Variants in ERC2 observed in about 807,000 individuals in gnomAD.
The protein encoded by ERC2 is ERC protein 2.
In ERC2, 42 loss-of-function variants were observed where a neutral mutation model predicts 114.8. That is an observed-to-expected ratio of 0.37 (90% CI 0.29 to 0.47). ERC2 has a LOEUF of 0.47. Among genes scored for constraint, ERC2 ranks in the 20% least tolerant of loss-of-function variants. The pLI is 0.99. For synonymous variants in ERC2, 454 were observed against 425.5 expected (o/e 1.07, Z -0.82); for missense variants, 939 against 1,150.7 (o/e 0.82, Z 2.66).
At chr3:55,540,765 G>T (rs569991457) in intron 17 of ERC2, among the ~76,000 whole-genome samples, 1 of 152,216 alleles carries the variant, frequency 6.6e-6, no homozygotes, top group African/African-American at 2.4e-5. Context: ...ATCTGGGAAA[G>T]AAATGTCTTT....
intron 17 of ERC2, among the ~76,000 whole-genome samples, chr3:55,636,149 T>C (rs2059951089): frequency 6.6e-6 from 1 of 152,196 alleles, no homozygotes; most frequent in Admixed American, 6.5e-5. Context: ...GTGCTGGGAT[T>C]ACAGGCATGA....
At chr3:56,179,818 T>C (rs1397290023) in intron 3 of ERC2, among the ~76,000 whole-genome samples, 1 of 151,666 alleles carries the variant, frequency 6.6e-6, no homozygotes, top group Non-Finnish European at 1.5e-5. Flanking sequence ...GACATTTAAG[T>C]GAAGGTGCTG....
chr3:56,185,481 G>A (rs2083541444), intron 3 of ERC2, among the ~76,000 whole-genome samples: 1 of 152,140 alleles, frequency 6.6e-6, no homozygotes, highest in South Asian at 2.1e-4. Flanking sequence ...GTATTTAATG[G>A]ATTATACCCA....
intron 2 of ERC2, among the ~76,000 whole-genome samples, chr3:56,320,012 C>T (rs1042274797): frequency 3.9e-5 from 6 of 152,100 alleles, no homozygotes; most frequent in Non-Finnish European, 7.4e-5. Flanking sequence ...AGTAAAATTA[C>T]AGAATACCAA....
intron 2 of ERC2, among the ~76,000 whole-genome samples, chr3:56,412,859 G>T (rs1024023793): frequency 5.9e-5 from 9 of 152,082 alleles, no homozygotes; most frequent in African/African-American, 2.2e-4. Flanking sequence ...ATAGATAAAG[G>T]TTAAACTATA....
At chr3:55,777,743 G>C (rs1198644723) in intron 14 of ERC2, among the ~76,000 whole-genome samples, 3 of 152,142 alleles carry the variant, frequency 2.0e-5, no homozygotes. Flanking sequence ...AGGCAAACAT[G>C]CTGGAACATA....
intron 3 of ERC2, among the ~76,000 whole-genome samples, chr3:56,184,631 A>G (rs1181485390): frequency 6.6e-6 from 1 of 152,158 alleles, no homozygotes; most frequent in Non-Finnish European, 1.5e-5. Context: ...ACCTGAGTAC[A>G]AGCACGGTCA....
chr3:56,432,851 C>T (rs781715385), intron 2 of ERC2, among the ~76,000 whole-genome samples: 1 of 152,152 alleles, frequency 6.6e-6, no homozygotes, highest in Admixed American at 6.5e-5. Context: ...TTTTGAGCCA[C>T]GTGGTATCAC....
At chr3:56,108,799 T>C (rs2078804072) in intron 6 of ERC2, among the ~76,000 whole-genome samples, 3 of 152,130 alleles carry the variant, frequency 2.0e-5, no homozygotes, top group Admixed American at 2.0e-4. Flanking sequence ...CAATCTCTTA[T>C]CTATCCAGAA....
intron 3 of ERC2, among the ~76,000 whole-genome samples, chr3:56,249,959 G>A (rs2052027338): frequency 7.0e-6 from 1 of 142,006 alleles, no homozygotes; most frequent in Admixed American, 7.8e-5. Flanking sequence ...CCGGGTTCAA[G>A]CGATTCTCCT....
At chr3:56,138,853 G>A (rs898669390) in intron 6 of ERC2, among the ~76,000 whole-genome samples, 6 of 152,196 alleles carry the variant, frequency 3.9e-5, no homozygotes, top group Non-Finnish European at 8.8e-5. Context: ...GGAAAAGCAA[G>A]GAAATAGGAT....
At chr3:55,671,715 C>A (rs1216219484) in intron 17 of ERC2, among the ~76,000 whole-genome samples, 1 of 152,184 alleles carries the variant, frequency 6.6e-6, no homozygotes, top group Non-Finnish European at 1.5e-5. Context: ...TTTTGGCATG[C>A]GGTTGTCCAG....
At chr3:56,062,100 T>G (rs1458027437) in intron 7 of ERC2, among the ~76,000 whole-genome samples, 2 of 152,222 alleles carry the variant, frequency 1.3e-5, no homozygotes, top group Non-Finnish European at 2.9e-5. Flanking sequence ...TTATATAGAT[T>G]CAAGAGATCC....
At chr3:55,897,330 T>G (rs2063891715) in intron 13 of ERC2, among the ~76,000 whole-genome samples, 2 of 152,230 alleles carry the variant, frequency 1.3e-5, no homozygotes, top group African/African-American at 4.8e-5. Flanking sequence ...AAGCTATTTT[T>G]TCCCTTAAAT....
intron 7 of ERC2, among the ~76,000 whole-genome samples, chr3:56,057,142 A>G (rs1166002150): frequency 6.6e-6 from 1 of 152,022 alleles, no homozygotes; most frequent in East Asian, 1.9e-4. Context: ...AAATCTTAAC[A>G]CTTATTTTTT....
At chr3:55,716,072 C>A (rs1166887242) in intron 15 of ERC2, among the ~76,000 whole-genome samples, 1 of 152,202 alleles carries the variant, frequency 6.6e-6, no homozygotes, top group Non-Finnish European at 1.5e-5. Context: ...GCCATTTTAT[C>A]ATTAATTGAA....
intron 14 of ERC2, among the ~76,000 whole-genome samples, chr3:55,753,056 C>T (rs62249322): frequency 0.018 from 2,739 of 152,194 alleles, 35 homozygotes; most frequent in Middle Eastern, 0.031. Flanking sequence ...TAACCAAGTC[C>T]ATGGGGAAGA....
chr3:55,771,928 C>T (rs1179402539), intron 14 of ERC2, among the ~76,000 whole-genome samples: 1 of 152,200 alleles, frequency 6.6e-6, no homozygotes, highest in Middle Eastern at 3.2e-3. Context: ...GTAACCTTCA[C>T]AAACAACCAC....
intron 7 of ERC2, among the ~76,000 whole-genome samples, chr3:56,054,945 G>A (rs551985541): frequency 3.9e-5 from 6 of 152,072 alleles, no homozygotes; most frequent in Non-Finnish European, 7.4e-5. Context: ...GCCAAATGTC[G>A]GTCTTCAGAG....
Sources: gnomAD v4.1 joint callset for allele counts (sites outside exome capture counted in the v4.1 genomes callset) on GRCh38, gnomAD v4.1.1 for gene constraint, MANE v1.5 for transcripts, NCBI Gene and HGNC (gene_info 2026-07-23, HGNC 2026-07-21) for gene names.